SERGEF: variants seen among roughly 807,000 people sequenced by gnomAD.
SERGEF encodes secretion-regulating guanine nucleotide exchange factor.
A neutral mutation model predicts 50.0 loss-of-function variants in SERGEF; 51 were observed. The observed-to-expected ratio is 1.02, with a 90% CI of 0.81 to 1.29. SERGEF has a LOEUF of 1.29. Among genes scored for constraint, SERGEF ranks in the 50% most tolerant of loss-of-function variants. The probability of loss-of-function intolerance (pLI) is 0.00; values close to 1 mark genes in which losing one functional copy is unlikely to be tolerated. For synonymous variants in SERGEF, 205 were observed against 212.4 expected (o/e 0.97, Z 0.30); for missense variants, 521 against 557.0 (o/e 0.94, Z 0.65).
At chr11:17,865,816 T>A (rs1851012019) in intron 10 of SERGEF, among the ~76,000 whole-genome samples, 1 of 152,190 alleles carries the variant, frequency 6.6e-6, no homozygotes, top group Non-Finnish European at 1.5e-5. Context: ...TTGTGTGTAA[T>A]TCAGTGTAGC....
At chr11:17,921,862 G>GAAC (rs1462960211) in intron 9 of SERGEF, among the ~76,000 whole-genome samples, 1 of 152,186 alleles carries the variant, frequency 6.6e-6, no homozygotes, top group Non-Finnish European at 1.5e-5. Flanking sequence ...GACACAGGGG[G>GAAC]AACAGATGGT....
intron 10 of SERGEF, among the ~76,000 whole-genome samples, chr11:17,871,079 G>A (rs1851129587): frequency 6.6e-6 from 1 of 152,100 alleles, no homozygotes; most frequent in Non-Finnish European, 1.5e-5. Flanking sequence ...GCTTCACAAA[G>A]AAGACATAAG....
At chr11:17,905,689 T>C (rs148574138) in intron 9 of SERGEF, among the ~76,000 whole-genome samples, 75 of 152,258 alleles carry the variant, frequency 4.9e-4, no homozygotes, top group South Asian at 1.5e-3. Context: ...AAGTGAATGT[T>C]TTCAGAGACC....
At chr11:17,805,649 C>T (rs1001353543) in intron 10 of SERGEF, among the ~76,000 whole-genome samples, 5 of 152,168 alleles carry the variant, frequency 3.3e-5, no homozygotes. Context: ...GTATTCTTTA[C>T]CTCATTGGGA....
At chr11:17,957,809 T>C (rs981630876) in intron 9 of SERGEF, among the ~76,000 whole-genome samples, 2 of 151,502 alleles carry the variant, frequency 1.3e-5, no homozygotes, top group African/African-American at 4.8e-5. Context: ...CAGAACCTTC[T>C]AATCATGTAA....
chr11:17,805,213 T>C (rs1454429509), intron 10 of SERGEF, among the ~76,000 whole-genome samples: 2 of 152,352 alleles, frequency 1.3e-5, no homozygotes, highest in Non-Finnish European at 2.9e-5. Context: ...GTCTCAGCTC[T>C]GCCATTAACT....
intron 10 of SERGEF, among the ~76,000 whole-genome samples, chr11:17,843,247 C>T (rs1031022249): frequency 4.6e-5 from 7 of 152,124 alleles, no homozygotes; most frequent in Admixed American, 3.3e-4. Flanking sequence ...TCATCCTCTG[C>T]GGCCTGGCTT....
chr11:18,000,120 G>A (rs1471788710), intron 5 of SERGEF, among the ~76,000 whole-genome samples: 1 of 152,118 alleles, frequency 6.6e-6, no homozygotes, highest in Non-Finnish European at 1.5e-5. Flanking sequence ...TTCTCCTAAA[G>A]TTAAGTTTCC....
At chr11:18,011,010 C>A (rs559796520) in intron 1 of SERGEF, among the ~76,000 whole-genome samples, 2 of 152,238 alleles carry the variant, frequency 1.3e-5, no homozygotes, top group South Asian at 4.1e-4. Flanking sequence ...ATTTTTGTAA[C>A]ACTGTGAGAG....
intron 9 of SERGEF, among the ~76,000 whole-genome samples, chr11:17,904,271 T>C (rs752011694): frequency 3.3e-5 from 5 of 151,988 alleles, no homozygotes. Context: ...AGGAAAAGAG[T>C]GGGGGTTCTC....
chr11:17,920,397 CTG>C (rs1852131946), intron 9 of SERGEF, among the ~76,000 whole-genome samples: 1 of 152,190 alleles, frequency 6.6e-6, no homozygotes, highest in African/African-American at 2.4e-5. Flanking sequence ...GGTTTAATGT[CTG>C]TCTCTCCTCA....
intron 10 of SERGEF, among the ~76,000 whole-genome samples, chr11:17,872,206 G>A (rs1565191242): frequency 6.6e-6 from 1 of 152,178 alleles, no homozygotes; most frequent in South Asian, 2.1e-4. Flanking sequence ...AGAATGGTTA[G>A]CTCTGGGGGT....
At chr11:17,841,640 C>G (rs888673720) in intron 10 of SERGEF, among the ~76,000 whole-genome samples, 1 of 152,188 alleles carries the variant, frequency 6.6e-6, no homozygotes, top group African/African-American at 2.4e-5. Flanking sequence ...TCAAATTGAG[C>G]ATAATGCCCT....
At chr11:17,993,079 G>A in intron 6 of SERGEF, 86 bp from the exon 7 acceptor site, 1 of 1,086,828 alleles carries the variant, frequency 9.2e-7, no homozygotes, top group South Asian at 1.3e-5. Context: ...TACCACCTGG[G>A]CGTGGGAGAG....
chr11:17,880,699 A>G (rs779379236), intron 9 of SERGEF, among the ~76,000 whole-genome samples: 1 of 152,170 alleles, frequency 6.6e-6, no homozygotes, highest in East Asian at 1.9e-4. Flanking sequence ...TGCAGTTACC[A>G]CCACAGAGAA....
chr11:17,879,268 T>C (rs1671447596), intron 9 of SERGEF, among the ~76,000 whole-genome samples: 1 of 152,238 alleles, frequency 6.6e-6, no homozygotes, highest in African/African-American at 2.4e-5. Flanking sequence ...AGGAAGTGAC[T>C]GGGAATACAA....
intron 9 of SERGEF, among the ~76,000 whole-genome samples, chr11:17,946,458 T>A (rs777212711): frequency 3.9e-5 from 6 of 152,190 alleles, no homozygotes; most frequent in Non-Finnish European, 5.9e-5. Context: ...GCAAATACAT[T>A]GCTCTTTCCA....
chr11:17,794,245 T>C (rs1849534795), intron 10 of SERGEF, among the ~76,000 whole-genome samples: 1 of 152,206 alleles, frequency 6.6e-6, no homozygotes, highest in Non-Finnish European at 1.5e-5. Flanking sequence ...AAAAGACAGA[T>C]GGCATACACT....
chr11:17,847,625 T>C (rs1451910413), intron 10 of SERGEF, among the ~76,000 whole-genome samples: 10 of 152,206 alleles, frequency 6.6e-5, no homozygotes, highest in Admixed American at 6.5e-4. Flanking sequence ...TTCTCCATTG[T>C]ATGGCCTGTT....
Sources: allele counts gnomAD v4.1 joint callset (sites outside exome capture counted in the v4.1 genomes callset), GRCh38; gene constraint gnomAD v4.1.1; transcripts MANE v1.5; gene names NCBI Gene and HGNC (gene_info 2026-07-23, HGNC 2026-07-21).